Variants in GPR85 observed in about 807,000 individuals in gnomAD.
GPR85 encodes the protein G protein-coupled receptor 85, also known as probable G protein-coupled receptor 85.
A neutral mutation model predicts 21.3 loss-of-function variants in GPR85; 7 were observed. The ratio of observed to expected loss-of-function variants is 0.33; its 90% CI spans 0.19 to 0.62. The LOEUF (loss-of-function observed/expected upper bound fraction) is 0.62, where lower values mean the gene tolerates loss of function less well. Among genes scored for constraint, GPR85 ranks in the 20% least tolerant of loss-of-function variants. GPR85 has a pLI of 0.80. For synonymous variants in GPR85, 167 were observed against 166.1 expected (o/e 1.01, Z -0.04); for missense variants, 299 against 443.8 (o/e 0.67, Z 2.93).
chr7:113,087,651 G>A (rs1174406617), upstream of GPR85: 1 of 154,264 alleles, frequency 6.5e-6, no homozygotes, highest in Non-Finnish European at 1.5e-5. Context: ...TAAAACGTCT[G>A]CTTCTTTTTC....
intron 2 of GPR85, among the ~76,000 whole-genome samples, chr7:113,085,706 C>T (rs1295234483): frequency 6.6e-6 from 1 of 152,164 alleles, no homozygotes; most frequent in Non-Finnish European, 1.5e-5. Flanking sequence ...CTTTTTAAAA[C>T]AAAATGCACA....
rs1794290448 is a variant in GPR85 at position 113,086,405 on chromosome 7, T to TG, written c.-373_-372insC. 1.1e-5 allele frequency: 1 copy of TG among 94,710 alleles called. No individual in the cohort carries two copies. Among genetic ancestry groups the TG allele is most frequent in the Non-Finnish European group, 2.1e-5 (1 of 48,300 alleles). The allele number at this position is 94,710 out of a possible 1,614,324, so 5.9% of individuals were successfully genotyped here. A position where few individuals can be genotyped will look rare whatever the true frequency, so the allele number is the denominator to read the frequency against. On this transcript the variant is annotated 5_prime_UTR_variant, in exon 1 of 3. An upstream open reading frame in the 5' UTR gains an earlier in-frame stop. Coordinates refer to ENST00000424100, the MANE Select transcript of GPR85 (RefSeq NM_001146267.2). ...TTCTTTTTTTCTTTTTCTTTTTTTT[T>TG]TTTTTTTTTTTGTTTTTTGTTTTTT... is the stretch of plus-strand genomic sequence containing the variant.
intron 2 of GPR85, among the ~76,000 whole-genome samples, chr7:113,085,463 C>A (rs868690942): frequency 2.0e-5 from 3 of 152,146 alleles, no homozygotes; most frequent in Non-Finnish European, 4.4e-5. Context: ...AATCATTTGT[C>A]TTTCCCTCTC....
chr7:113,083,671 T>C lies in GPR85; in HGVS notation c.1051A>G (p.Ser351Gly). 1 of 1,614,198 alleles carries C rather than the reference T, an allele frequency of 6.2e-7. No homozygotes were observed. The highest frequency in any genetic ancestry group is 8.5e-7 in the Non-Finnish European group (1 of 1,180,022). ...FSNRELRRCF[S>G]TTLLYCRKSR... ...TTTCTGCAGTAAAGAAGGGTTGTGC[T>C]GAAACAGCGCCTCAGCTCCCTGTTT... is the stretch of plus-strand genomic sequence containing the variant. The change falls in exon 3 of 3, where the codon AGC becomes GGC. Residue 351 changes from serine to glycine, a missense_variant. Ser to Gly is a moderately conservative substitution (Grantham distance 56). Around this residue, in one of 2 missense-constraint regions of GPR85, gnomAD observed 198 missense variants for 335.4 expected, o/e 0.59. Coordinates refer to ENST00000424100, the MANE Select transcript of GPR85 (RefSeq NM_001146267.2). The surrounding 1 kb of genome is among the most constrained non-coding windows in gnomAD (Gnocchi z 4.4).
Position 113,082,700 on chromosome 7 carries a change from A to T in GPR85, c.*909T>A, listed in dbSNP as rs867153838. 6.6e-6 allele frequency: 1 copy of T among 152,480 alleles called. No individual in the cohort carries two copies. The highest frequency in any genetic ancestry group is 2.1e-4 in the South Asian group (1 of 4,814). The allele number at this position is 152,480 out of a possible 1,614,324, so 9.4% of individuals were successfully genotyped here. ...TAAATGATCTTCCATGCACTTTTAG[A>T]TGCATGACCATGACCAGTTACTGAT... is the stretch of plus-strand genomic sequence containing the variant. On this transcript the variant is annotated 3_prime_UTR_variant, in exon 3 of 3. Coordinates refer to ENST00000424100, the MANE Select transcript of GPR85 (RefSeq NM_001146267.2).
At position 113,086,431 on chromosome 7, in the gene GPR85, T is replaced by TTTTTTTTTTTTTTTTG. The variant is rs1414402156; in HGVS notation, c.-399_-398insCAAAAAAAAAAAAAAA. Reference sequence around the variant, plus strand: ...TTTTTTTTTTTGTTTTTTGTTTTTTTTTTTTTTTTTTTTGCCTTAGTGCCT... The same window carrying TTTTTTTTTTTTTTTTG: ...TTTTTTTTTTTGTTTTTTGTTTTTTTTTTTTTTTTTTTTTTGTTTTTTTTTTTTTGCCTTAGTGCCT... On this transcript the variant is annotated 5_prime_UTR_variant, in exon 1 of 3. An upstream open reading frame in the 5' UTR loses its in-frame stop. Transcript: ENST00000424100. The TTTTTTTTTTTTTTTTG allele has an allele frequency of 7.4e-5, 8 of 108,244 alleles. 1 individual carries two copies. The highest frequency in any genetic ancestry group is 2.2e-4 in the African/African-American group (6 of 27,702). 6.7% of individuals were successfully genotyped at this position (108,244 alleles called of 1,614,324 possible). A position where few individuals can be genotyped will look rare whatever the true frequency, so the allele number is the denominator to read the frequency against.
At position 113,086,396 on chromosome 7, in the gene GPR85, C is replaced by CTTTTTTTTTTTTTTTTTTTCTT. The variant is rs1794284507; in HGVS notation, c.-364_-363insAAGAAAAAAAAAAAAAAAAAAA. On this transcript the variant is annotated 5_prime_UTR_variant, in exon 1 of 3. An upstream open reading frame in the 5' UTR loses its in-frame stop. Coordinates refer to ENST00000424100, the MANE Select transcript of GPR85 (RefSeq NM_001146267.2). ...CTGATTTTTTTCTTTTTTTCTTTTT[C>CTTTTTTTTTTTTTTTTTTTCTT]TTTTTTTTTTTTTTTTTTTTGTTTT... 1 of 48,066 alleles carries CTTTTTTTTTTTTTTTTTTTCTT rather than the reference C, an allele frequency of 2.1e-5. No individual in the cohort carries two copies. The highest frequency in any genetic ancestry group is 3.6e-5 in the Non-Finnish European group (1 of 28,132). The allele number at this position is 48,066 out of a possible 1,614,324, so 3.0% of individuals were successfully genotyped here.
chr7:113,086,216 ACACAC>A, intron 1 of GPR85, 101 bp downstream of exon 1: 1 of 146,244 alleles, frequency 6.8e-6, no homozygotes, highest in Non-Finnish European at 1.5e-5. Flanking sequence ...ACACACACAC[ACACAC>A]ACAACCTGAG....
At chr7:113,085,144 A>G (rs532579899) in intron 2 of GPR85, among the ~76,000 whole-genome samples, 127 of 152,360 alleles carry the variant, frequency 8.3e-4, no homozygotes, top group Admixed American at 2.0e-3. Context: ...GGAGAGAAGG[A>G]ATAAAATGTC....
rs1362702737 is a variant in GPR85, at chr7:113,084,061, C to T, written c.661G>A (p.Val221Ile). The change falls in exon 3 of 3, where the codon GTA becomes ATA. Residue 221 changes from valine (V) to isoleucine (I), a missense_variant. Transcript: ENST00000424100. The stretch of plus-strand genomic sequence containing the variant: ...GTCCAGTTCTGGCTGACTGCTGCTA[C>T]AAACTGGACTGGCTTCATTTTTCTT... ...DRRKMKPVQFVAAVSQNWTFH... is the reference protein window; with the variant it reads ...DRRKMKPVQFIAAVSQNWTFH... 7 of 1,614,172 alleles carry T rather than the reference C, an allele frequency of 4.3e-6. No individual in the cohort carries two copies. Among genetic ancestry groups the T allele is most frequent in the Non-Finnish European group, 5.1e-6 (6 of 1,180,034 alleles).
Position 113,084,632 on chromosome 7 carries a change from T to C in GPR85, c.90A>G (p.Ile30Met). ...AFLKLTSLGF[I>M]IGVSVVGNLL... is the part of the protein sequence containing the mutation. Reference sequence around the variant, plus strand: ...GGTTGCCCACCACGCTGACTCCTATTATGAAACCCAAGGAAGTCAGTTTCA... The same window carrying C: ...GGTTGCCCACCACGCTGACTCCTATCATGAAACCCAAGGAAGTCAGTTTCA... The change falls in exon 3 of 3, where the codon ATA becomes ATG. Residue 30 changes from isoleucine to methionine, a missense_variant. This residue lies in a region of GPR85 where 101 missense variants were observed against 108.4 expected (regional missense o/e 0.93). Coordinates refer to ENST00000424100, the MANE Select transcript of GPR85 (RefSeq NM_001146267.2). 4 of 1,613,770 alleles carry C rather than the reference T, an allele frequency of 2.5e-6. No homozygotes were observed. The highest frequency in any genetic ancestry group is 3.4e-6 in the Non-Finnish European group (4 of 1,179,712).
chr7:113,082,889 A>G lies in GPR85; in HGVS notation c.*720T>C, dbSNP rs1466010390. On this transcript the variant is annotated 3_prime_UTR_variant, in exon 3 of 3. Coordinates refer to ENST00000424100, the MANE Select transcript of GPR85 (RefSeq NM_001146267.2). The stretch of plus-strand genomic sequence containing the variant: ...GACCAATATCTAGCATTTGTAAAAT[A>G]TAAATGAATTGGAAAAACTTTATAC... 3 of 152,622 alleles carry G rather than the reference A, an allele frequency of 2.0e-5. No homozygotes were observed. The highest frequency in any genetic ancestry group is 2.4e-5 in the African/African-American group (1 of 41,454). 9.5% of individuals were successfully genotyped at this position (152,622 alleles called of 1,614,324 possible).
Position 113,086,430 on chromosome 7 carries a change from T to TTTTTTTTTTTTTTTTTTTTTTTG in GPR85, c.-398_-397insCAAAAAAAAAAAAAAAAAAAAAA, listed in dbSNP as rs1794301281. 5 of 106,546 alleles carry TTTTTTTTTTTTTTTTTTTTTTTG rather than the reference T, an allele frequency of 4.7e-5. 1 individual carries two copies. The highest frequency in any genetic ancestry group is 1.1e-4 in the African/African-American group (3 of 26,138). 6.6% of individuals were successfully genotyped at this position (106,546 alleles called of 1,614,324 possible). A position where few individuals can be genotyped will look rare whatever the true frequency, so the allele number is the denominator to read the frequency against. ...TTTTTTTTTTTTGTTTTTTGTTTTT[T>TTTTTTTTTTTTTTTTTTTTTTTG]TTTTTTTTTTTTTTGCCTTAGTGCC... On this transcript the variant is annotated 5_prime_UTR_variant, in exon 1 of 3. The change abolishes the stop of an existing upstream ORF in the 5' untranslated region. Transcript: ENST00000424100.
At position 113,084,608 on chromosome 7, in the gene GPR85, G is replaced by A. The variant is rs764500900; in HGVS notation, c.114C>T (p.Asn38=). ...TCACTAGCAAAATGGAGATCAGGAG[G>A]TTGCCCACCACGCTGACTCCTATTA... The part of the protein sequence containing the change: ...GFIIGVSVVG[N]LLISILLVKD... Residue 38 remains asparagine, a synonymous_variant, in exon 3 of 3, where the codon AAC becomes AAT. Coordinates refer to ENST00000424100, the MANE Select transcript of GPR85 (RefSeq NM_001146267.2). 2 of 1,613,590 alleles carry A rather than the reference G, an allele frequency of 1.2e-6. No individual in the cohort carries two copies. The highest frequency in any genetic ancestry group is 1.7e-6 in the Non-Finnish European group (2 of 1,179,576).
At chr7:113,087,269 C>G (rs1445634775), upstream of GPR85, among the ~76,000 whole-genome samples, 1 of 152,196 alleles carries the variant, frequency 6.6e-6, no homozygotes. Context: ...GTTTAAATGG[C>G]TATTCCTGGC....
Position 113,084,893 on chromosome 7 carries a change from TGAAA to T in GPR85, c.-170-6_-170-3del. 1 of 278,020 alleles carries T rather than the reference TGAAA, an allele frequency of 3.6e-6. No homozygotes were observed. Among genetic ancestry groups the T allele is most frequent in the Non-Finnish European group, 6.3e-6 (1 of 159,960 alleles). The allele number at this position is 278,020 out of a possible 1,614,324, so 17.2% of individuals were successfully genotyped here. A position where few individuals can be genotyped will look rare whatever the true frequency, so the allele number is the denominator to read the frequency against. ...CCACTTGTTTTGCCATCAGAATATC[TGAAA>T]AAAAAAAAAAAAAAAACCTATCAGT... On this transcript the variant is annotated splice_region_variant and splice_polypyrimidine_tract_variant and intron_variant, in intron 2 of 2. Transcript: ENST00000424100.
Position 113,083,414 on chromosome 7 carries a change from C to T in GPR85, c.*195G>A. The T allele has an allele frequency of 1.8e-6, 1 of 567,582 alleles. No homozygotes were observed. The highest frequency in any genetic ancestry group is 2.6e-5 in the South Asian group (1 of 38,872). 35.2% of individuals were successfully genotyped at this position (567,582 alleles called of 1,614,324 possible). A position where few individuals can be genotyped will look rare whatever the true frequency, so the allele number is the denominator to read the frequency against. On this transcript the variant is annotated 3_prime_UTR_variant, in exon 3 of 3. Coordinates refer to ENST00000424100, the MANE Select transcript of GPR85 (RefSeq NM_001146267.2). The surrounding 1 kb of genome is among the most constrained non-coding windows in gnomAD (Gnocchi z 4.4). ...GTCCCTTCTTAATTACAAACCTTTGCTGGCAGTCAGCAGGATCACTCTGAG... is the reference window on the plus strand; with the variant it reads ...GTCCCTTCTTAATTACAAACCTTTGTTGGCAGTCAGCAGGATCACTCTGAG...
In GPR85 at chr7:113,083,506, G is replaced by A; in HGVS notation, c.*103C>T. 1.9e-6 allele frequency: 2 copies of A among 1,051,570 alleles called. No homozygotes were observed. Among genetic ancestry groups the A allele is most frequent in the South Asian group, 1.6e-5 (1 of 64,446 alleles). The allele number at this position is 1,051,570 out of a possible 1,614,324, so 65.1% of individuals were successfully genotyped here. A position where few individuals can be genotyped will look rare whatever the true frequency, so the allele number is the denominator to read the frequency against. ...GAATGTTGCCCAAATCCTTAAAACT[G>A]CTGATTCCATTCTTGAATTTCTTCT... On this transcript the variant is annotated 3_prime_UTR_variant, in exon 3 of 3. Coordinates refer to ENST00000424100, the MANE Select transcript of GPR85 (RefSeq NM_001146267.2). This position sits in a 1 kb window ranked among gnomAD's most constrained non-coding sequence, Gnocchi z 4.4.
rs1794292867 is a variant in GPR85, at chr7:113,086,409, T to TTTTTTTG, written c.-377_-376insCAAAAAA. The TTTTTTTG allele has an allele frequency of 6.4e-5, 6 of 93,568 alleles. 1 individual carries two copies. The highest frequency in any genetic ancestry group is 3.6e-4 in the East Asian group (1 of 2,748). The allele number at this position is 93,568 out of a possible 1,614,324, so 5.8% of individuals were successfully genotyped here. A position where few individuals can be genotyped will look rare whatever the true frequency, so the allele number is the denominator to read the frequency against. On this transcript the variant is annotated 5_prime_UTR_variant, in exon 1 of 3. The change creates a premature stop within an existing upstream ORF in the 5' untranslated region. Transcript: ENST00000424100. ...TTTTTTCTTTTTCTTTTTTTTTTTT[T>TTTTTTTG]TTTTTTTGTTTTTTGTTTTTTTTTT... is the stretch of plus-strand genomic sequence containing the variant.
Sources: gnomAD v4.1 joint callset for allele counts (sites outside exome capture counted in the v4.1 genomes callset) on GRCh38, gnomAD v4.1.1 for gene constraint, gnomAD v4.1.1 regional missense constraint, Gnocchi (gnomAD v3.1) non-coding constraint, MANE v1.5 for transcripts, NCBI Gene and HGNC (gene_info 2026-07-23, HGNC 2026-07-21) for gene names.